Variants in TCF20 observed in about 807,000 individuals in gnomAD.
TCF20 encodes the protein SPRE-binding protein.
Under a neutral mutation model 148.6 loss-of-function variants are expected in TCF20, and 3 were observed. That is an observed-to-expected ratio of 0.02 (90% confidence interval 0.01 to 0.05). The LOEUF is 0.05. Ranked by LOEUF, TCF20 falls within the 10% of genes least tolerant of loss-of-function variation. The pLI, the probability that TCF20 is intolerant of heterozygous loss-of-function variation, is 1.00. For missense variants in TCF20, 2,350 were observed against 2,429.3 expected (o/e 0.97, Z 0.69); for synonymous variants, 1,049 against 909.5 (o/e 1.15, Z -2.76).
At chr22:42,171,981 G>A (rs1716801477) in intron 3 of TCF20, among the ~76,000 whole-genome samples, 2 of 152,244 alleles carry the variant, frequency 1.3e-5, no homozygotes, top group Admixed American at 6.5e-5. Flanking sequence ...CACGCCTCAT[G>A]TTAGGAAATG....
intron 5 of TCF20, among the ~76,000 whole-genome samples, chr22:42,165,170 G>A (rs1030301257): frequency 4.6e-5 from 7 of 152,218 alleles, no homozygotes; most frequent in Non-Finnish European, 8.8e-5. Context: ...ACCCTGGACT[G>A]CCTCTGGACC....
rs765005561 is a variant in TCF20 at position 42,211,151 on chromosome 22, T to C, written c.4155A>G (p.Ile1385Met). The C allele has an allele frequency of 6.2e-7, 1 of 1,614,172 alleles. No homozygotes were observed. The highest frequency in any genetic ancestry group is 8.5e-7 in the Non-Finnish European group (1 of 1,180,026). Residue 1385 changes from isoleucine to methionine, a missense_variant, in exon 2 of 6, where the codon ATA (isoleucine) becomes ATG (methionine). Ile to Met is a conservative substitution (Grantham distance 10). Around this residue, in one of 7 missense-constraint regions of TCF20, gnomAD observed 231 missense variants for 213.7 expected, o/e 1.08. Coordinates refer to ENST00000677622, the MANE Select transcript of TCF20 (RefSeq NM_001378418.1). ...AGGDTVTLDDILSLKSGPPEG... is the reference protein window; with the variant it reads ...AGGDTVTLDDMLSLKSGPPEG... ...CAGGAGGACCACTCTTCAAAGACAG[T>C]ATATCATCAAGCGTAACCGTGTCTC...
intron 3 of TCF20, among the ~76,000 whole-genome samples, chr22:42,177,205 G>A (rs140713459): frequency 1.1e-3 from 169 of 152,072 alleles, no homozygotes; most frequent in African/African-American, 4.0e-3. Flanking sequence ...ACCTGAGGTC[G>A]GGAGTTTGAA....
At chr22:42,195,363 AT>A (rs925821566) in intron 2 of TCF20, among the ~76,000 whole-genome samples, 81 of 151,690 alleles carry the variant, frequency 5.3e-4, no homozygotes, top group East Asian at 7.8e-4. Flanking sequence ...ATCTCTCATC[AT>A]TTTTTTCCCC....
chr22:42,241,910 T>C (rs115030318), intron 1 of TCF20, among the ~76,000 whole-genome samples: 3,482 of 150,336 alleles, frequency 0.023, 139 homozygotes, highest in African/African-American at 0.075. Context: ...GAATGAAAAA[T>C]AGAAAAGAAA....
At chr22:42,246,097 ATTCTTT>A (rs984046973) in intron 1 of TCF20, among the ~76,000 whole-genome samples, 1 of 152,106 alleles carries the variant, frequency 6.6e-6, no homozygotes, top group Admixed American at 6.6e-5. Context: ...AATTTGCTTA[ATTCTTT>A]TTCTTTTTTC....
rs200382251 is a variant in TCF20 at position 42,209,760 on chromosome 22, C to T, written c.5546G>A (p.Ser1849Asn). The T allele has an allele frequency of 3.7e-6, 6 of 1,614,062 alleles. No individual in the cohort carries two copies. The change falls in exon 2 of 6, where the codon AGC becomes AAC. Residue 1849 changes from serine (S) to asparagine (N), a missense_variant. Ser to Asn is a conservative substitution (Grantham distance 46). Around this residue, in one of 7 missense-constraint regions of TCF20, gnomAD observed 374 missense variants for 398.3 expected, o/e 0.94. Coordinates refer to ENST00000677622, the MANE Select transcript of TCF20 (RefSeq NM_001378418.1). ...ELQIPELPLD[S>N]NEFWVHEGCI... ...ACCCTCATGGACCCAAAATTCATTG[C>T]TGTCAAGAGGTAGTTCAGGGATTTG...
chr22:42,287,375 G>A (rs1927051598), upstream of TCF20, among the ~76,000 whole-genome samples: 1 of 152,188 alleles, frequency 6.6e-6, no homozygotes, highest in Non-Finnish European at 1.5e-5. Flanking sequence ...GAGGCCCAGA[G>A]AACGGAACTG....
chr22:42,335,863 C>A (rs183836614), intron 1 of TCF20, among the ~76,000 whole-genome samples: 163 of 152,330 alleles, frequency 1.1e-3, no homozygotes, highest in African/African-American at 3.7e-3. Flanking sequence ...CCTGCCCAAA[C>A]CAGCAACGAG....
Position 42,299,306 on chromosome 22 carries a change from T to A in TCF20, c.-37+44173A>T, listed in dbSNP as rs540211499. Among the ~76,000 whole-genome samples the A allele has an allele frequency of 7.3e-5, 11 of 151,520 alleles. No homozygotes were observed. Among genetic ancestry groups the A allele is most frequent in the African/African-American group, 2.7e-4 (11 of 41,210 alleles). ...TGGCTGGGGGTGCAGGAACTGAGGG[T>A]CCTTCCCAGCCCCTCTCCCCACATC... On this transcript the variant is annotated intron_variant, in intron 1 of 1. Coordinates refer to the TCF20 transcript ENST00000515426. This position sits in a 1 kb window ranked among gnomAD's most constrained non-coding sequence, Gnocchi z 4.1.
chr22:42,203,420 CGTA>C (rs1339656412), intron 2 of TCF20, among the ~76,000 whole-genome samples: 2 of 152,108 alleles, frequency 1.3e-5, no homozygotes, highest in African/African-American at 4.8e-5. Context: ...AGAAATAAAT[CGTA>C]GTAAAATTTG....
chr22:42,254,532 T>C (rs1208313848), intron 1 of TCF20, among the ~76,000 whole-genome samples: 1 of 152,194 alleles, frequency 6.6e-6, no homozygotes, highest in Non-Finnish European at 1.5e-5. Context: ...TTGGGTATGT[T>C]AAGGCCTGGG....
rs1018125077 is a variant in TCF20 at position 42,323,207 on chromosome 22, G to T, written c.-37+20272C>A. Among the ~76,000 whole-genome samples, 7 of 151,688 alleles carry T rather than the reference G, an allele frequency of 4.6e-5. 1 individual carries two copies. The highest frequency in any genetic ancestry group is 4.4e-5 in the Non-Finnish European group (3 of 67,786). Reference sequence around the variant, plus strand: ...GTGAGCCACCACGCCCAGCCCACCTGGCTGTTTTCTTTGGCCTCTTGTTCA... The same window carrying T: ...GTGAGCCACCACGCCCAGCCCACCTTGCTGTTTTCTTTGGCCTCTTGTTCA... On this transcript the variant is annotated intron_variant, in intron 1 of 1. Coordinates refer to the TCF20 transcript ENST00000515426.
At chr22:42,217,601 G>T (rs1409404922) in intron 1 of TCF20, among the ~76,000 whole-genome samples, 1 of 152,240 alleles carries the variant, frequency 6.6e-6, no homozygotes, top group Non-Finnish European at 1.5e-5. Context: ...AATGGTGTAA[G>T]AACTAGGCCT....
chr22:42,306,334 C>T (rs1031802938), intron 1 of TCF20, among the ~76,000 whole-genome samples: 2 of 152,236 alleles, frequency 1.3e-5, no homozygotes, highest in African/African-American at 4.8e-5. Context: ...GCCGCCCTGC[C>T]AGGCTGGGCC....
At chr22:42,343,192 C>T (rs1279807246) in intron 1 of TCF20, among the ~76,000 whole-genome samples, 1 of 152,068 alleles carries the variant, frequency 6.6e-6, no homozygotes, top group Admixed American at 6.5e-5. Flanking sequence ...ACTTGCTAGC[C>T]GGGGACCTTG....
chr22:42,252,381 A>G (rs572472745), intron 1 of TCF20, among the ~76,000 whole-genome samples: 1 of 152,310 alleles, frequency 6.6e-6, no homozygotes, highest in East Asian at 1.9e-4. Flanking sequence ...TGGGAGAGCT[A>G]ACACCTACAA....
Position 42,160,306 on chromosome 22 carries a change from A to G in TCF20, c.*1097T>C, listed in dbSNP as rs1281624785. On this transcript the variant is annotated 3_prime_UTR_variant, in exon 6 of 6. Coordinates refer to ENST00000677622, the MANE Select transcript of TCF20 (RefSeq NM_001378418.1). The stretch of plus-strand genomic sequence containing the variant: ...GTCCTCTTTTCCTTTATAAAAATGA[A>G]AGCAAAAAGAAAAAGGGGTTAAATG... The G allele has an allele frequency of 6.6e-6, 1 of 152,634 alleles. No individual in the cohort carries two copies. The highest frequency in any genetic ancestry group is 1.5e-5 in the Non-Finnish European group (1 of 68,038). 9.5% of individuals were successfully genotyped at this position (152,634 alleles called of 1,614,324 possible).
intron 1 of TCF20, among the ~76,000 whole-genome samples, chr22:42,321,081 G>C (rs139741472): frequency 1.3e-4 from 20 of 152,378 alleles, no homozygotes; most frequent in African/African-American, 4.8e-4. Context: ...AGTTCCCCAA[G>C]CAACTGTAAA....
Sources: allele counts gnomAD v4.1 joint callset (sites outside exome capture counted in the v4.1 genomes callset), GRCh38; gene constraint gnomAD v4.1.1; regional missense constraint gnomAD v4.1.1; non-coding constraint Gnocchi (gnomAD v3.1); transcripts MANE v1.5; gene names NCBI Gene and HGNC (gene_info 2026-07-23, HGNC 2026-07-21).